RTN4: variants seen among roughly 807,000 people sequenced by gnomAD.
RTN4 encodes reticulon-4.
In RTN4, 32 loss-of-function variants were observed where a neutral mutation model predicts 90.4. The ratio of observed to expected loss-of-function variants is 0.35; its 90% CI spans 0.27 to 0.48. The LOEUF is 0.48. Ranked by LOEUF, RTN4 falls within the 20% of genes least tolerant of loss-of-function variation. The probability of loss-of-function intolerance (pLI) is 0.99; values close to 1 mark genes in which losing one functional copy is unlikely to be tolerated. For synonymous variants in RTN4, 629 were observed against 552.5 expected, an observed-to-expected ratio of 1.14 and a Z score of -1.94; for missense variants, 1,706 against 1,430.2, an observed-to-expected ratio of 1.19 and a Z score of -3.11.
chr2:55,025,545 G>C lies in RTN4; in HGVS notation c.2554C>G (p.Gln852Glu). The change falls in exon 3 of 9, where the codon CAG becomes GAG. Residue 852 changes from glutamine (Q) to glutamate (E), a missense_variant. Coordinates refer to ENST00000337526, the MANE Select transcript of RTN4 (RefSeq NM_020532.5). ...GAAAACGTTTCAGTTTCTCTTATCTGTGCTTCCTTAGAAATAAATAAGTCA... is the reference window on the plus strand; with the variant it reads ...GAAAACGTTTCAGTTTCTCTTATCTCTGCTTCCTTAGAAATAAATAAGTCA... ...NDDLFISKEA[Q>E]IRETETFSDS... 1 of 1,613,626 alleles carries C rather than the reference G, an allele frequency of 6.2e-7. No homozygotes were observed. Among genetic ancestry groups the C allele is most frequent in the Non-Finnish European group, 8.5e-7 (1 of 1,179,782 alleles).
chr2:55,096,472 T>A (rs974962560), intron 1 of RTN4, among the ~76,000 whole-genome samples: 41 of 152,094 alleles, frequency 2.7e-4, no homozygotes, highest in African/African-American at 9.9e-4. Flanking sequence ...ATCTAATATA[T>A]CTCTCAAGGT....
the RTN4 span, among the ~76,000 whole-genome samples, chr2:55,119,491 T>G: frequency 3.9e-5 from 6 of 152,152 alleles, no homozygotes. Flanking sequence ...ATCCCTTAGA[T>G]AGGGGACACA....
intron 4 of RTN4, among the ~76,000 whole-genome samples, chr2:54,985,211 G>T (rs1350153849): frequency 1.6e-5 from 2 of 125,064 alleles, no homozygotes; most frequent in African/African-American, 3.1e-5. Flanking sequence ...TTAGGCTGGA[G>T]TATAGTGGCA....
At chr2:55,057,898 G>T (rs556486521) in intron 2 of RTN4, among the ~76,000 whole-genome samples, 1 of 152,092 alleles carries the variant, frequency 6.6e-6, no homozygotes, top group East Asian at 1.9e-4. Flanking sequence ...CGGGAGGATC[G>T]CTTGAGCCAA....
intron 2 of RTN4, among the ~76,000 whole-genome samples, chr2:55,073,676 T>A (rs577945762): frequency 1.8e-4 from 28 of 152,376 alleles, no homozygotes; most frequent in South Asian, 1.4e-3. Flanking sequence ...AATTCTCATT[T>A]ATCTTCAGAC....
chr2:55,056,152 GTGTTC>G (rs912592361), intron 2 of RTN4, among the ~76,000 whole-genome samples: 2 of 152,228 alleles, frequency 1.3e-5, no homozygotes, highest in African/African-American at 4.8e-5. Context: ...GTTTTAAATT[GTGTTC>G]TGTTCTGAGT....
Position 54,991,731 on chromosome 2 carries a change from G to A in RTN4, c.3014-4033C>T, listed in dbSNP as rs1679028072. ...TTCCTTTTTAGATCTAGATTTTTTT[G>A]GGGAGAAGGAAGCTTAAATATTTTT... is the stretch of plus-strand genomic sequence containing the variant. On this transcript the variant is annotated intron_variant, in intron 3 of 8. Transcript: ENST00000337526. 2.0e-5 allele frequency among the ~76,000 whole-genome samples: 3 copies of A among 151,986 alleles called. No homozygotes were observed. The South Asian group carries it at 6.2e-4, about 31-fold the overall frequency.
At chr2:55,071,688 C>A (rs1668517728) in intron 2 of RTN4, among the ~76,000 whole-genome samples, 1 of 152,108 alleles carries the variant, frequency 6.6e-6, no homozygotes, top group Admixed American at 6.6e-5. Context: ...CAAACCATAG[C>A]CCATACCCTT....
Position 55,050,301 on chromosome 2 carries a change from G to C in RTN4, c.-1C>G. 1 of 1,423,764 alleles carries C rather than the reference G, an allele frequency of 7.0e-7. No homozygotes were observed. Among genetic ancestry groups the C allele is most frequent in the Non-Finnish European group, 9.2e-7 (1 of 1,088,540 alleles). The allele number at this position is 1,423,764 out of a possible 1,614,324, so 88.2% of individuals were successfully genotyped here. ...GAGGAGACTGGTCCAGGTCTTCCAT[G>C]GCTGGAGGGTGGAGATGATGCTGCA... On this transcript the variant is annotated 5_prime_UTR_variant, in exon 1 of 9. Transcript: ENST00000337526. The surrounding 1 kb of genome is among the most constrained non-coding windows in gnomAD (Gnocchi z 4.6).
At chr2:55,079,555 C>G (rs1440945239) in intron 2 of RTN4, among the ~76,000 whole-genome samples, 1 of 152,192 alleles carries the variant, frequency 6.6e-6, no homozygotes, top group Non-Finnish European at 1.5e-5. Context: ...CCCAAATCTT[C>G]TGATCTTTCA....
At chr2:55,052,771 T>C (rs1454126664), upstream of RTN4, among the ~76,000 whole-genome samples, 1 of 152,258 alleles carries the variant, frequency 6.6e-6, no homozygotes, top group African/African-American at 2.4e-5. Flanking sequence ...CAGTATTTTA[T>C]GATACGACCT....
At chr2:55,106,909 A>T (rs1667953590) in intron 1 of RTN4, among the ~76,000 whole-genome samples, 1 of 152,208 alleles carries the variant, frequency 6.6e-6, no homozygotes, top group African/African-American at 2.4e-5. Context: ...GACAGTACAC[A>T]AACACTAGCA....
Position 55,025,274 on chromosome 2 carries a change from C to A in RTN4, c.2825G>T (p.Gly942Val). ...ISFSDDFSKN[G>V]SATSKVLLLP... ...TAAGAGCACCTTTGATGTAGCAGAC[C>A]CATTTTTAGAAAAGTCATCTGAGAA... Residue 942 changes from glycine (G) to valine (V), a missense_variant, in exon 3 of 9, where the codon GGG (glycine) becomes GTG (valine). Transcript: ENST00000337526. 6.2e-7 allele frequency: 1 copy of A among 1,613,778 alleles called. No homozygotes were observed. The highest frequency in any genetic ancestry group is 8.5e-7 in the Non-Finnish European group (1 of 1,179,844).
At chr2:55,136,350 C>A in the RTN4 span, among the ~76,000 whole-genome samples, 4 of 152,296 alleles carry the variant, frequency 2.6e-5, no homozygotes, top group African/African-American at 7.2e-5. Context: ...ACAGACAGCC[C>A]ACCCCAAGGG....
At chr2:55,134,791 C>T in the RTN4 span, among the ~76,000 whole-genome samples, 2 of 152,100 alleles carry the variant, frequency 1.3e-5, no homozygotes, top group Non-Finnish European at 2.9e-5. Context: ...AACTCAAAAC[C>T]GCTTCAGAAG....
intron 2 of RTN4, among the ~76,000 whole-genome samples, chr2:55,070,565 A>C (rs1221447620): frequency 1.3e-5 from 2 of 148,912 alleles, no homozygotes; most frequent in African/African-American, 5.0e-5. Flanking sequence ...AAAAAAAAAA[A>C]AGAAAGAAAG....
At chr2:55,043,312 T>C (rs1292715475) in intron 1 of RTN4, among the ~76,000 whole-genome samples, 1 of 152,284 alleles carries the variant, frequency 6.6e-6, no homozygotes, top group Non-Finnish European at 1.5e-5. Flanking sequence ...AACATTTACT[T>C]CTATTTATTT....
In RTN4 at chr2:55,025,638, T is replaced by C; in HGVS notation, c.2461A>G (p.Thr821Ala). Residue 821 changes from threonine (T) to alanine (A), a missense_variant, in exon 3 of 9, where the codon ACA becomes GCA. Transcript: ENST00000337526. ...KDTLLPDEVS[T>A]LSKKEKIPLQ... Reference sequence around the variant, plus strand: ...GGAATTTTCTCCTTTTTGCTCAATGTTGAAACTTCATCAGGTAACAGGGTA... The same window carrying C: ...GGAATTTTCTCCTTTTTGCTCAATGCTGAAACTTCATCAGGTAACAGGGTA... The C allele has an allele frequency of 1.2e-6, 2 of 1,613,792 alleles. No homozygotes were observed. Among genetic ancestry groups the C allele is most frequent in the Middle Eastern group, 1.7e-4 (1 of 6,052 alleles).
intron 3 of RTN4, among the ~76,000 whole-genome samples, chr2:54,994,735 AC>A (rs749988815): frequency 6.6e-6 from 1 of 152,182 alleles, no homozygotes; most frequent in Non-Finnish European, 1.5e-5. Flanking sequence ...AAAAAGACAT[AC>A]AAGGCATCCA....
Sources: allele counts gnomAD v4.1 joint callset (sites outside exome capture counted in the v4.1 genomes callset), GRCh38; gene constraint gnomAD v4.1.1; non-coding constraint Gnocchi (gnomAD v3.1); transcripts MANE v1.5; gene names NCBI Gene and HGNC (gene_info 2026-07-23, HGNC 2026-07-21).